Variants in BNC2 observed in about 807,000 individuals in gnomAD.
The protein encoded by BNC2 is basonuclin zinc finger protein 2.
Under a neutral mutation model 76.3 loss-of-function variants are expected in BNC2, and 20 were observed. The ratio of observed to expected loss-of-function variants is 0.26; its 90% CI spans 0.18 to 0.38. BNC2 has a LOEUF of 0.38. Ranked by LOEUF, BNC2 falls within the 10% of genes least tolerant of loss-of-function variation. The pLI is 1.00. For missense variants in BNC2, 1,382 were observed against 1,399.8 expected, an observed-to-expected ratio of 0.99 and a Z score of 0.20; for synonymous variants, 582 against 514.8, an observed-to-expected ratio of 1.13 and a Z score of -1.77.
chr9:16,742,800 C>G (rs529626154), intron 1 of BNC2, among the ~76,000 whole-genome samples: 3 of 152,264 alleles, frequency 2.0e-5, no homozygotes, highest in African/African-American at 7.2e-5. Context: ...AGCCACATAT[C>G]CATCAGACTA....
intron 3 of BNC2, among the ~76,000 whole-genome samples, chr9:16,621,838 A>G (rs1032737157): frequency 6.6e-6 from 1 of 152,208 alleles, no homozygotes; most frequent in African/African-American, 2.4e-5. Flanking sequence ...ATAAACACTC[A>G]TATTGATTAT....
intron 3 of BNC2, among the ~76,000 whole-genome samples, chr9:16,682,960 A>T (rs1422086349): frequency 6.6e-6 from 1 of 152,210 alleles, no homozygotes; most frequent in Admixed American, 6.5e-5. Context: ...TAAGAGTGGG[A>T]TTCTTTGCTG....
chr9:16,818,625 G>C (rs1451077378), intron 1 of BNC2, among the ~76,000 whole-genome samples: 6 of 152,118 alleles, frequency 3.9e-5, no homozygotes. Context: ...CTGAGTCTCA[G>C]TTTTCTCAAG....
intron 5 of BNC2, among the ~76,000 whole-genome samples, chr9:16,536,697 T>C (rs1422048974): frequency 6.6e-6 from 1 of 152,188 alleles, no homozygotes; most frequent in Non-Finnish European, 1.5e-5. Flanking sequence ...TAATGTACTT[T>C]AAATGAAAAG....
chr9:16,802,684 G>A (rs559776988), intron 1 of BNC2, among the ~76,000 whole-genome samples: 4 of 152,272 alleles, frequency 2.6e-5, no homozygotes, highest in South Asian at 2.1e-4. Flanking sequence ...GACAAGGACC[G>A]AAGGGTTTTT....
chr9:16,818,904 C>T (rs953690355), intron 1 of BNC2, among the ~76,000 whole-genome samples: 4 of 152,132 alleles, frequency 2.6e-5, no homozygotes, highest in African/African-American at 4.8e-5. Context: ...CTAGAGAATA[C>T]TGCAGATCTC....
intron 1 of BNC2, among the ~76,000 whole-genome samples, chr9:16,834,812 T>C (rs1199088609): frequency 1.3e-5 from 2 of 152,158 alleles, no homozygotes; most frequent in East Asian, 1.9e-4. Context: ...GATTAAGAGA[T>C]AGTGCAGTAT....
intron 1 of BNC2, among the ~76,000 whole-genome samples, chr9:16,817,350 A>G (rs1209996243): frequency 6.6e-6 from 1 of 152,218 alleles, no homozygotes; most frequent in Non-Finnish European, 1.5e-5. Context: ...ACTTTGTAAA[A>G]TCTAAAGGTG....
chr9:16,681,714 G>A lies in BNC2; in HGVS notation c.330+46083C>T, dbSNP rs557798298. On this transcript the variant is annotated intron_variant, in intron 3 of 6. Coordinates refer to ENST00000380672, the MANE Select transcript of BNC2 (RefSeq NM_017637.6). Reference sequence around the variant, plus strand: ...TCTACTCCATGGTCAAAAACATGCAGTCACTTGACTTGTTAAAGCTGCAGT... The same window carrying A: ...TCTACTCCATGGTCAAAAACATGCAATCACTTGACTTGTTAAAGCTGCAGT... Among the ~76,000 whole-genome samples the A allele has an allele frequency of 2.2e-4, 33 of 152,224 alleles. No individual in the cohort carries two copies. The South Asian group carries it at 6.0e-3, about 28-fold the overall frequency.
intron 1 of BNC2, among the ~76,000 whole-genome samples, chr9:16,830,794 G>A (rs1409625983): frequency 6.6e-6 from 1 of 152,166 alleles, no homozygotes; most frequent in African/African-American, 2.4e-5. Flanking sequence ...AGCAGGAAAT[G>A]GAAGAAATCT....
chr9:16,614,783 C>T (rs536786789), intron 3 of BNC2, among the ~76,000 whole-genome samples: 5 of 151,588 alleles, frequency 3.3e-5, no homozygotes, highest in East Asian at 1.9e-4. Flanking sequence ...CCTGTCTCTA[C>T]AAAAAAATAA....
intron 1 of BNC2, among the ~76,000 whole-genome samples, chr9:16,804,941 A>G (rs1381815691): frequency 6.6e-6 from 1 of 152,102 alleles, no homozygotes; most frequent in Non-Finnish European, 1.5e-5. Flanking sequence ...ATGCGCCTGT[A>G]GTCCCAGCTA....
At position 16,417,610 on chromosome 9, in the gene BNC2, A is replaced by C. The variant is rs1820612312; in HGVS notation, c.*1379T>G. ...TAGTACGACTGCAGAATTTGCAACA[A>C]ATTAGACAGCCATACAACAGACCGA... is the stretch of plus-strand genomic sequence containing the variant. On this transcript the variant is annotated 3_prime_UTR_variant, in exon 7 of 7. Transcript: ENST00000380672. 6.6e-6 allele frequency: 1 copy of C among 152,464 alleles called. No homozygotes were observed. The highest frequency in any genetic ancestry group is 2.4e-5 in the African/African-American group (1 of 41,452). The allele number at this position is 152,464 out of a possible 1,614,324, so 9.4% of individuals were successfully genotyped here. A position where few individuals can be genotyped will look rare whatever the true frequency, so the allele number is the denominator to read the frequency against.
rs140910560 is a variant in BNC2, at chr9:16,814,318, T to C, written c.3+56328A>G. Among the ~76,000 whole-genome samples, 8 of 152,334 alleles carry C rather than the reference T, an allele frequency of 5.3e-5. No individual in the cohort carries two copies. In the South Asian group the frequency reaches 6.2e-4, roughly 12 times the overall value. ...ACACACACTCTCCCTTTCATATATC[T>C]AGGCACTCAATATGTCTTTATTGGC... is the stretch of plus-strand genomic sequence containing the variant. On this transcript the variant is annotated intron_variant, in intron 1 of 6. Coordinates refer to ENST00000380672, the MANE Select transcript of BNC2 (RefSeq NM_017637.6).
intron 5 of BNC2, among the ~76,000 whole-genome samples, chr9:16,493,103 C>T (rs574987869): frequency 6.6e-6 from 1 of 152,054 alleles, no homozygotes; most frequent in East Asian, 1.9e-4. Context: ...ATGATTAAGC[C>T]ACTTTGTTTT....
At chr9:16,821,418 T>A (rs1385894582) in intron 1 of BNC2, among the ~76,000 whole-genome samples, 1 of 152,144 alleles carries the variant, frequency 6.6e-6, no homozygotes, top group African/African-American at 2.4e-5. Flanking sequence ...ATGCTTACCT[T>A]TTATCTACAG....
At chr9:16,686,421 G>A (rs374001853) in intron 3 of BNC2, among the ~76,000 whole-genome samples, 1 of 152,000 alleles carries the variant, frequency 6.6e-6, no homozygotes, top group African/African-American at 2.4e-5. Flanking sequence ...CAAGGTTTTA[G>A]ATTCCACCTA....
At chr9:16,500,239 T>C (rs149531520) in intron 5 of BNC2, among the ~76,000 whole-genome samples, 1,668 of 152,282 alleles carry the variant, frequency 0.011, 13 homozygotes, top group Middle Eastern at 0.041. Flanking sequence ...AACTCAAGTC[T>C]GATGTGTCTC....
At chr9:16,421,190 T>C (rs1450388702) in intron 6 of BNC2, 11 of 1,073,896 alleles carry the variant, frequency 1.0e-5, no homozygotes, top group African/African-American at 1.7e-5. Flanking sequence ...CAAGACAATA[T>C]ACAGCACTCT....
Sources: allele counts gnomAD v4.1 joint callset (sites outside exome capture counted in the v4.1 genomes callset), GRCh38; gene constraint gnomAD v4.1.1; transcripts MANE v1.5; gene names NCBI Gene and HGNC (gene_info 2026-07-23, HGNC 2026-07-21).